Variants in DMTN observed in about 807,000 individuals in gnomAD.
The protein encoded by DMTN is dematin actin binding protein, also known as dematin.
In DMTN, 27 loss-of-function variants were observed where a neutral mutation model predicts 59.4. The ratio of observed to expected loss-of-function variants is 0.45; its 90% CI spans 0.33 to 0.63. DMTN has a LOEUF of 0.63. Ranked by LOEUF, DMTN falls within the 20% of genes least tolerant of loss-of-function variation. The pLI is 0.02. For synonymous variants in DMTN, 221 were observed against 203.7 expected, an observed-to-expected ratio of 1.08 and a Z score of -0.72; for missense variants, 451 against 528.9, an observed-to-expected ratio of 0.85 and a Z score of 1.45.
At position 22,070,338 on chromosome 8, in the gene DMTN, G is replaced by A. The variant is rs900007159; in HGVS notation, c.604+4G>A. On this transcript the variant is annotated splice_donor_region_variant and intron_variant, in intron 8 of 15. Coordinates refer to ENST00000358242, the MANE Select transcript of DMTN (RefSeq NM_001387751.1). ...CCCCCGTCTCTGGCTGTTGTGGGTA[G>A]GAGAGATGGGGAGAGTGGAATGGGT... is the stretch of plus-strand genomic sequence containing the variant. 2 of 1,588,008 alleles carry A rather than the reference G, an allele frequency of 1.3e-6. No homozygotes were observed. The highest frequency in any genetic ancestry group is 1.4e-5 in the African/African-American group (1 of 73,804).
chr8:22,057,306 T>C (rs1803199301), intron 1 of DMTN, among the ~76,000 whole-genome samples, 170 bp downstream of exon 1: 1 of 152,276 alleles, frequency 6.6e-6, no homozygotes, highest in East Asian at 1.9e-4. Context: ...CCTGATCTAA[T>C]GGAACCTTCT....
At chr8:22,078,957 C>T (rs543623528) in intron 10 of DMTN, among the ~76,000 whole-genome samples, 1 of 151,646 alleles carries the variant, frequency 6.6e-6, no homozygotes, top group Non-Finnish European at 1.5e-5. Context: ...CTACCACGCC[C>T]GGCTAATTTG....
At chr8:22,078,831 C>G (rs1354120014) in intron 10 of DMTN, among the ~76,000 whole-genome samples, 2 of 95,640 alleles carry the variant, frequency 2.1e-5, no homozygotes, top group African/African-American at 8.2e-5. Flanking sequence ...GAGTCTCGCT[C>G]TATCACCCAG....
chr8:22,067,292 C>A, intron 3 of DMTN, 133 bp downstream of exon 3: 1 of 1,167,278 alleles, frequency 8.6e-7, no homozygotes, highest in Non-Finnish European at 1.2e-6. Context: ...CAGAGAGAAC[C>A]CAGAAACCCA....
upstream of DMTN, chr8:22,049,206 C>A (rs1271454763): frequency 7.3e-6 from 1 of 137,304 alleles, no homozygotes; most frequent in African/African-American, 2.7e-5. Context: ...CCTCGGGCAG[C>A]GAGATTGCTT....
rs1307144927 is a variant in DMTN at position 22,082,291 on chromosome 8, C to T, written c.*828C>T. 6.6e-6 allele frequency: 3 copies of T among 455,696 alleles called. No individual in the cohort carries two copies. The highest frequency in any genetic ancestry group is 4.7e-5 in the Admixed American group (2 of 42,340). The allele number at this position is 455,696 out of a possible 1,614,324, so 28.2% of individuals were successfully genotyped here. Reference sequence around the variant, plus strand: ...CACCCCCCCACACACTATGCTCTCTCAAGAATGTAATTTATTGGGGCCCCC... The same window carrying T: ...CACCCCCCCACACACTATGCTCTCTTAAGAATGTAATTTATTGGGGCCCCC... On this transcript the variant is annotated 3_prime_UTR_variant, in exon 16 of 16. Coordinates refer to ENST00000358242, the MANE Select transcript of DMTN (RefSeq NM_001387751.1).
chr8:22,050,145 TG>T (rs1191342919), upstream of DMTN, among the ~76,000 whole-genome samples: 1 of 152,112 alleles, frequency 6.6e-6, no homozygotes, highest in Admixed American at 6.5e-5. Flanking sequence ...CGCGCCGTGT[TG>T]GGGGTAGTTT....
chr8:22,062,384 C>A (rs1446002912), intron 1 of DMTN, among the ~76,000 whole-genome samples: 1 of 152,156 alleles, frequency 6.6e-6, no homozygotes, highest in Non-Finnish European at 1.5e-5. Flanking sequence ...AGGCATAAGC[C>A]ACTGCCCAGC....
intron 14 of DMTN, 96 bp downstream of exon 14, chr8:22,080,966 G>C: frequency 6.7e-7 from 1 of 1,489,638 alleles, no homozygotes; most frequent in Non-Finnish European, 9.1e-7. Flanking sequence ...TGGTGTTGAA[G>C]ATGGGAGGGA....
rs746589246 is a variant in DMTN at position 22,082,165 on chromosome 8, C to T, written c.*702C>T. 1.1e-5 allele frequency: 5 copies of T among 456,610 alleles called. No individual in the cohort carries two copies. Among genetic ancestry groups the T allele is most frequent in the East Asian group, 7.0e-5 (1 of 14,386 alleles). The allele number at this position is 456,610 out of a possible 1,614,324, so 28.3% of individuals were successfully genotyped here. On this transcript the variant is annotated 3_prime_UTR_variant, in exon 16 of 16. Transcript: ENST00000358242. ...GGAATTCCAGCACTAAGCCAGGCAC[C>T]GGGCAGAAGCTGGGCCTTCCGCCTC...
At chr8:22,079,319 G>A (rs73545595) in intron 10 of DMTN, among the ~76,000 whole-genome samples, 14,690 of 96,032 alleles carry the variant, frequency 0.15, 1,218 homozygotes, top group Admixed American at 0.19. Context: ...GTTTGATGGC[G>A]CATGCCCCTA....
intron 10 of DMTN, among the ~76,000 whole-genome samples, chr8:22,074,955 G>A (rs1423112026): frequency 6.6e-6 from 1 of 152,084 alleles, no homozygotes; most frequent in African/African-American, 2.4e-5. Flanking sequence ...TTGGGAGGCC[G>A]AGGCGGGCGG....
chr8:22,067,080 C>T lies in DMTN; in HGVS notation c.19-5C>T. The T allele has an allele frequency of 6.2e-7, 1 of 1,601,802 alleles. No homozygotes were observed. Among genetic ancestry groups the T allele is most frequent in the Non-Finnish European group, 8.5e-7 (1 of 1,175,110 alleles). Reference sequence around the variant, plus strand: ...CCCACCCGCCCGCCTTCTCGCTCTCCCCAGCAACCACTTACCTCCCCCGGG... The same window carrying T: ...CCCACCCGCCCGCCTTCTCGCTCTCTCCAGCAACCACTTACCTCCCCCGGG... On this transcript the variant is annotated splice_region_variant and splice_polypyrimidine_tract_variant and intron_variant, in intron 2 of 15. Coordinates refer to ENST00000358242, the MANE Select transcript of DMTN (RefSeq NM_001387751.1).
At chr8:22,065,326 C>T (rs574686189) in intron 1 of DMTN, among the ~76,000 whole-genome samples, 50 of 152,308 alleles carry the variant, frequency 3.3e-4, no homozygotes, top group African/African-American at 1.1e-3. Flanking sequence ...CACCCTCCTG[C>T]GATTAGCAGT....
At chr8:22,072,300 TC>T (rs1362330782) in intron 8 of DMTN, 25 bp from the exon 9 acceptor site, 2 of 1,582,740 alleles carry the variant, frequency 1.3e-6, no homozygotes, top group Non-Finnish European at 1.7e-6. Context: ...AGTGACTCCC[TC>T]CCCACCTTTG....
Position 22,080,191 on chromosome 8 carries a change from G to A in DMTN, c.847G>A (p.Gly283Arg). The A allele has an allele frequency of 1.9e-6, 3 of 1,614,168 alleles. No homozygotes were observed. The highest frequency in any genetic ancestry group is 2.2e-5 in the East Asian group (1 of 44,872). Residue 283 changes from glycine to arginine, a missense_variant, in exon 11 of 16, where the codon GGA becomes AGA. Physicochemically the swap from Gly to Arg is moderately radical, Grantham distance 125. Transcript: ENST00000358242. The stretch of plus-strand genomic sequence containing the variant: ...TTGCTGTCTTCCAGCCTTGCACCAG[G>A]GAACGTCTAAATCTTCCTCTCTCCC... ...RTPFHTSLHQ[G>R]TSKSSSLPAY...
chr8:22,054,884 C>G (rs146362593), upstream of DMTN: 4 of 152,566 alleles, frequency 2.6e-5, no homozygotes, highest in Admixed American at 1.3e-4. Flanking sequence ...GCGGCTGAGC[C>G]GGGCCTGAGC....
At chr8:22,070,444 C>T (rs1814451075) in intron 8 of DMTN, 110 bp downstream of exon 8, 1 of 1,350,182 alleles carries the variant, frequency 7.4e-7, no homozygotes, top group African/African-American at 1.5e-5. Flanking sequence ...CCTATGGTGT[C>T]CTCGTGGGCT....
intron 8 of DMTN, 134 bp from the exon 9 acceptor site, chr8:22,072,192 T>C: frequency 8.2e-7 from 1 of 1,224,050 alleles, no homozygotes; most frequent in Non-Finnish European, 1.1e-6. Context: ...CCGACCCTAC[T>C]TTATTTTTTA....
Sources: gnomAD v4.1 joint callset for allele counts (sites outside exome capture counted in the v4.1 genomes callset) on GRCh38, gnomAD v4.1.1 for gene constraint, MANE v1.5 for transcripts, NCBI Gene and HGNC (gene_info 2026-07-23, HGNC 2026-07-21) for gene names.